GPC5: variants seen among roughly 807,000 people sequenced by gnomAD.
GPC5 encodes glypican-5.
A neutral mutation model predicts 53.9 loss-of-function variants in GPC5; 47 were observed. The observed-to-expected ratio is 0.87, with a 90% CI of 0.69 to 1.11. The LOEUF (loss-of-function observed/expected upper bound fraction) is 1.11. Among genes scored for constraint, GPC5 ranks in the 50% most tolerant of loss-of-function variants. GPC5 has a pLI of 0.00. For synonymous variants in GPC5, 286 were observed against 263.3 expected (o/e 1.09, Z -0.84); for missense variants, 748 against 713.1 (o/e 1.05, Z -0.56).
At chr13:92,434,715 C>G (rs1340657502) in intron 7 of GPC5, among the ~76,000 whole-genome samples, 1 of 151,848 alleles carries the variant, frequency 6.6e-6, no homozygotes, top group Non-Finnish European at 1.5e-5. Flanking sequence ...TGTGTCAAGC[C>G]CCTTATTAAG....
intron 7 of GPC5, among the ~76,000 whole-genome samples, chr13:92,320,176 A>G (rs947059194): frequency 6.6e-6 from 1 of 152,120 alleles, no homozygotes; most frequent in South Asian, 2.1e-4. Flanking sequence ...CTATGGCTCT[A>G]AAGTTTCTTC....
chr13:91,678,255 C>T (rs1453512766), intron 2 of GPC5, among the ~76,000 whole-genome samples: 1 of 152,116 alleles, frequency 6.6e-6, no homozygotes, highest in East Asian at 1.9e-4. Context: ...ATGTGTAGGA[C>T]CATGCTTAGG....
chr13:92,419,026 T>G (rs567092864), intron 7 of GPC5, among the ~76,000 whole-genome samples: 1 of 152,208 alleles, frequency 6.6e-6, no homozygotes, highest in Non-Finnish European at 1.5e-5. Context: ...ACGTGGCTTA[T>G]AAGATGTGCA....
intron 6 of GPC5, among the ~76,000 whole-genome samples, chr13:92,058,833 C>T (rs1475188340): frequency 2.6e-5 from 4 of 152,152 alleles, no homozygotes; most frequent in Non-Finnish European, 5.9e-5. Context: ...CGTGAACCAC[C>T]GCCCTTGGCC....
chr13:92,563,668 T>A (rs1882770319), intron 7 of GPC5, among the ~76,000 whole-genome samples: 1 of 152,006 alleles, frequency 6.6e-6, no homozygotes, highest in Non-Finnish European at 1.5e-5. Flanking sequence ...TTTTAGTGAG[T>A]GAAAAACTTA....
intron 5 of GPC5, among the ~76,000 whole-genome samples, chr13:91,869,247 G>C (rs1027002091): frequency 6.6e-6 from 1 of 152,040 alleles, no homozygotes; most frequent in Non-Finnish European, 1.5e-5. Context: ...CTTTACTAGA[G>C]ATGGGATTTC....
rs147837726 is a variant in GPC5 at position 91,881,433 on chromosome 13, A to G, written c.1281-26504A>G. 2.2e-3 allele frequency among the ~76,000 whole-genome samples: 334 copies of G among 152,228 alleles called. 1 individual carries two copies. Among genetic ancestry groups the G allele is most frequent in the African/African-American group, 7.5e-3 (311 of 41,554 alleles). On this transcript the variant is annotated intron_variant, in intron 5 of 7. Transcript: ENST00000377067. ...TTTTATTATGTGAGGTCATCAGTCAATGATAACAGAGACATTGATGAATTA... is the reference window on the plus strand; with the variant it reads ...TTTTATTATGTGAGGTCATCAGTCAGTGATAACAGAGACATTGATGAATTA...
intron 7 of GPC5, among the ~76,000 whole-genome samples, chr13:92,644,588 G>T (rs1594377349): frequency 6.6e-6 from 1 of 152,210 alleles, no homozygotes; most frequent in Non-Finnish European, 1.5e-5. Flanking sequence ...CCAGTTGAAG[G>T]ATTTGATTGG....
intron 7 of GPC5, among the ~76,000 whole-genome samples, chr13:92,449,817 T>C (rs558727744): frequency 4.0e-4 from 61 of 152,290 alleles, no homozygotes; most frequent in African/African-American, 1.3e-3. Context: ...ATATGTTTCA[T>C]ATGTTTTTAT....
chr13:92,398,131 C>T (rs1297669360), intron 7 of GPC5, among the ~76,000 whole-genome samples: 1 of 152,102 alleles, frequency 6.6e-6, no homozygotes, highest in Non-Finnish European at 1.5e-5. Context: ...AAGTTAAAAA[C>T]AGGATTAATT....
intron 3 of GPC5, among the ~76,000 whole-genome samples, chr13:91,713,698 G>A (rs1214481025): frequency 6.6e-6 from 1 of 152,022 alleles, no homozygotes; most frequent in Non-Finnish European, 1.5e-5. Context: ...CAGAAATCCA[G>A]AACTGAACTC....
chr13:92,747,366 G>GA (rs1003576501), intron 7 of GPC5, among the ~76,000 whole-genome samples: 11 of 151,756 alleles, frequency 7.2e-5, no homozygotes, highest in Non-Finnish European at 2.9e-5. Flanking sequence ...AAATTAATAA[G>GA]AAAAAAAATC....
chr13:92,631,053 A>G (rs1205362371), intron 7 of GPC5, among the ~76,000 whole-genome samples: 1 of 152,154 alleles, frequency 6.6e-6, no homozygotes, highest in Non-Finnish European at 1.5e-5. Flanking sequence ...TTTGGAGTAT[A>G]AAACATAAAC....
chr13:92,139,123 A>G (rs2041808633), intron 6 of GPC5, among the ~76,000 whole-genome samples: 1 of 152,202 alleles, frequency 6.6e-6, no homozygotes, highest in Admixed American at 6.5e-5. Context: ...TTAAAAACTT[A>G]GAAGTCTCCA....
At chr13:92,129,349 T>C (rs1354301223) in intron 6 of GPC5, among the ~76,000 whole-genome samples, 2 of 152,236 alleles carry the variant, frequency 1.3e-5, no homozygotes, top group African/African-American at 4.8e-5. Context: ...GTATTGATAA[T>C]GACTTTCTCC....
At chr13:91,810,855 T>C (rs558433329) in intron 5 of GPC5, among the ~76,000 whole-genome samples, 107 of 151,810 alleles carry the variant, frequency 7.0e-4, no homozygotes, top group Non-Finnish European at 1.4e-3. Flanking sequence ...TATTTAATAC[T>C]TTATCACTTA....
intron 7 of GPC5, among the ~76,000 whole-genome samples, chr13:92,806,564 A>C (rs1050095792): frequency 6.6e-6 from 1 of 152,094 alleles, no homozygotes; most frequent in Admixed American, 6.6e-5. Flanking sequence ...TTTTGATTTA[A>C]AATGAGAAAT....
intron 7 of GPC5, among the ~76,000 whole-genome samples, chr13:92,656,965 TAAAAA>T (rs1353247630): frequency 3.3e-5 from 5 of 152,102 alleles, no homozygotes; most frequent in African/African-American, 1.2e-4. Flanking sequence ...GACCCTGTCT[TAAAAA>T]GAAAAAAGGC....
chr13:92,607,539 G>C (rs1884295651), intron 7 of GPC5, among the ~76,000 whole-genome samples: 1 of 152,022 alleles, frequency 6.6e-6, no homozygotes, highest in Non-Finnish European at 1.5e-5. Context: ...TAATGGAAGA[G>C]ACTGATAATA....
Sources: allele counts gnomAD v4.1 joint callset (sites outside exome capture counted in the v4.1 genomes callset), GRCh38; gene constraint gnomAD v4.1.1; transcripts MANE v1.5; gene names NCBI Gene and HGNC (gene_info 2026-07-23, HGNC 2026-07-21).